HCN2: variants seen among roughly 807,000 people sequenced by gnomAD.
HCN2 encodes the protein potassium/sodium hyperpolarization-activated cyclic nucleotide-gated channel 2.
HCN2 carries 20 observed loss-of-function variants against 52.3 expected under a neutral mutation model. That is an observed-to-expected ratio of 0.38 (90% CI 0.27 to 0.56). HCN2 has a LOEUF of 0.56. Among genes scored for constraint, HCN2 ranks in the 20% least tolerant of loss-of-function variants. The pLI is 0.71. For missense variants in HCN2, 981 were observed against 1,207.7 expected (o/e 0.81, Z 2.78); for synonymous variants, 694 against 537.0 (o/e 1.29, Z -4.04).
intron 4 of HCN2, among the ~76,000 whole-genome samples, chr19:608,873 G>A (rs1456954461): frequency 1.3e-5 from 2 of 152,166 alleles, no homozygotes; most frequent in Non-Finnish European, 2.9e-5. Flanking sequence ...GCGGCCTCTG[G>A]CCTGCAGCGT....
intron 1 of HCN2, among the ~76,000 whole-genome samples, chr19:595,824 C>T (rs1468459167): frequency 6.6e-6 from 1 of 152,266 alleles, no homozygotes; most frequent in Non-Finnish European, 1.5e-5. Context: ...TCTCCTAATC[C>T]CCCGGCCCGA....
chr19:611,076 G>A (rs1372642055), intron 5 of HCN2, among the ~76,000 whole-genome samples: 1 of 152,196 alleles, frequency 6.6e-6, no homozygotes, highest in Non-Finnish European at 1.5e-5. Flanking sequence ...ATCCGTCGTT[G>A]GATCAGGGCC....
Position 616,061 on chromosome 19 carries a change from G to A in HCN2, c.2257G>A (p.Gly753Ser). 1 of 1,165,064 alleles carries A rather than the reference G, an allele frequency of 8.6e-7. No homozygotes were observed. Among genetic ancestry groups the A allele is most frequent in the East Asian group, 4.0e-5 (1 of 25,284 alleles). 72.2% of individuals were successfully genotyped at this position (1,165,064 alleles called of 1,614,324 possible). A position where few individuals can be genotyped will look rare whatever the true frequency, so the allele number is the denominator to read the frequency against. The change falls in exon 8 of 8, where the codon GGC (glycine) becomes AGC (serine). Residue 753 changes from glycine (G) to serine (S), a missense_variant. Around this residue, in one of 6 missense-constraint regions of HCN2, gnomAD observed 368 missense variants for 314.8 expected, o/e 1.17. Coordinates refer to ENST00000251287, the MANE Select transcript of HCN2 (RefSeq NM_001194.4). ...ARPLVGPLAL[G>S]SPRLVRRPPP... Reference sequence around the variant, plus strand: ...GCCGCTCGTGGGGCCGCTGGCGCTCGGCTCGCCGCGCCTCGTGCGCCGCCC... The same window carrying A: ...GCCGCTCGTGGGGCCGCTGGCGCTCAGCTCGCCGCGCCTCGTGCGCCGCCC...
chr19:616,359 C>A lies in HCN2; in HGVS notation c.2555C>A (p.Pro852His). Residue 852 changes from proline to histidine, a missense_variant, in exon 8 of 8, where the codon CCC becomes CAC. Pro to His is a moderately conservative substitution (Grantham distance 77). Transcript: ENST00000251287. ...SSSTPRLGPT[P>H]AARAAAPSPD... Reference sequence around the variant, plus strand: ...TCCACACCGCGCTTGGGGCCCACGCCCGCTGCCCGGGCCGCCGCGCCCAGC... The same window carrying A: ...TCCACACCGCGCTTGGGGCCCACGCACGCTGCCCGGGCCGCCGCGCCCAGC... The A allele has an allele frequency of 8.2e-7, 1 of 1,217,972 alleles. No individual in the cohort carries two copies. The highest frequency in any genetic ancestry group is 1.6e-5 in the African/African-American group (1 of 61,682). 75.4% of individuals were successfully genotyped at this position (1,217,972 alleles called of 1,614,324 possible).
At position 590,696 on chromosome 19, in the gene HCN2, C is replaced by A; in HGVS notation, c.632+119C>A. 1 of 760,722 alleles carries A rather than the reference C, an allele frequency of 1.3e-6. No individual in the cohort carries two copies. The highest frequency in any genetic ancestry group is 1.8e-6 in the Non-Finnish European group (1 of 566,752). 47.1% of individuals were successfully genotyped at this position (760,722 alleles called of 1,614,324 possible). ...GCGCGCCGGGCCGGTGACCTCGGGG[C>A]TCCTCGGTGACCTCGGGCGTGTCCG... is the stretch of plus-strand genomic sequence containing the variant. On this transcript the variant is annotated intron_variant, in intron 1 of 7. Transcript: ENST00000251287. The surrounding 1 kb of genome is among the most constrained non-coding windows in gnomAD (Gnocchi z 7.2).
In HCN2 at chr19:613,869, C is replaced by A. The variant is rs747683299; in HGVS notation, c.1843C>A (p.Arg615=). The A allele has an allele frequency of 5.0e-6, 8 of 1,588,342 alleles. No individual in the cohort carries two copies. Among genetic ancestry groups the A allele is most frequent in the Non-Finnish European group, 6.8e-6 (8 of 1,168,274 alleles). ...ACGTGCAGAGATCTGCCTGCTCACC[C>A]GGGGCCGCCGCACGGCGAGCGTGCG... ...SYFGEICLLT[R]GRRTASVRAD... Residue 615 remains arginine (R), a synonymous_variant, in exon 7 of 8, where the codon CGG becomes AGG. Transcript: ENST00000251287.
Position 617,057 on chromosome 19 carries a change from A to C in HCN2, c.*583A>C. 3 of 560,584 alleles carry C rather than the reference A, an allele frequency of 5.4e-6. No homozygotes were observed. The highest frequency in any genetic ancestry group is 3.0e-5 in the East Asian group (1 of 33,336). 34.7% of individuals were successfully genotyped at this position (560,584 alleles called of 1,614,324 possible). On this transcript the variant is annotated 3_prime_UTR_variant, in exon 8 of 8. Coordinates refer to ENST00000251287, the MANE Select transcript of HCN2 (RefSeq NM_001194.4). The stretch of plus-strand genomic sequence containing the variant: ...GGCTGGGGTCCCGCCGCCGTGATGA[A>C]TGTACTGACGAGCCGAGGCAGCAGT...
rs139519202 is a variant in HCN2 at position 600,153 on chromosome 19, G to C, written c.633-3391G>C. Among the ~76,000 whole-genome samples, 1,248 of 152,192 alleles carry C rather than the reference G, an allele frequency of 8.2e-3. 19 individuals carry two copies. Among genetic ancestry groups the C allele is most frequent in the African/African-American group, 0.029 (1,190 of 41,514 alleles). ...CCTTCAGCAAGAGCCCTTGGCCCCA[G>C]AGCCCAGAGGTTTTTGTTTTGTTGT... On this transcript the variant is annotated intron_variant, in intron 1 of 7. Transcript: ENST00000251287.
intron 3 of HCN2, among the ~76,000 whole-genome samples, chr19:606,798 C>G (rs1429063098): frequency 6.6e-6 from 1 of 150,880 alleles, no homozygotes; most frequent in African/African-American, 2.4e-5. Context: ...TTGCAGCGAG[C>G]TGAGATCACA....
intron 3 of HCN2, among the ~76,000 whole-genome samples, chr19:606,331 C>T (rs1044991464): frequency 1.3e-5 from 2 of 151,760 alleles, no homozygotes; most frequent in African/African-American, 4.8e-5. Context: ...GAACTCCTGA[C>T]CTCAGGTGAT....
chr19:596,411 C>T (rs1296252167), intron 1 of HCN2, among the ~76,000 whole-genome samples: 1 of 152,098 alleles, frequency 6.6e-6, no homozygotes, highest in African/African-American at 2.4e-5. Context: ...AGAGCTGAGG[C>T]CGGAAGGTTT....
chr19:590,635 G>A lies in HCN2; in HGVS notation c.632+58G>A. The A allele has an allele frequency of 2.4e-6, 3 of 1,248,080 alleles. No individual in the cohort carries two copies. Among genetic ancestry groups the A allele is most frequent in the Non-Finnish European group, 2.0e-6 (2 of 981,628 alleles). 77.3% of individuals were successfully genotyped at this position (1,248,080 alleles called of 1,614,324 possible). ...GGGGCCCGGGGAGCCGGGCGCGCGG[G>A]GAGCCGTCCTTGGAGCGCCTGGGGA... On this transcript the variant is annotated intron_variant, in intron 1 of 7. Coordinates refer to ENST00000251287, the MANE Select transcript of HCN2 (RefSeq NM_001194.4). The surrounding 1 kb of genome is among the most constrained non-coding windows in gnomAD (Gnocchi z 7.2).
intron 1 of HCN2, among the ~76,000 whole-genome samples, chr19:594,650 T>C (rs984689087): frequency 4.7e-4 from 72 of 152,182 alleles, no homozygotes; most frequent in Middle Eastern, 6.8e-3. Flanking sequence ...TCCGCAGTGA[T>C]GAATCCCAGC....
At chr19:614,378 A>G (rs1983808441) in intron 7 of HCN2, among the ~76,000 whole-genome samples, 1 of 152,082 alleles carries the variant, frequency 6.6e-6, no homozygotes, top group Non-Finnish European at 1.5e-5. Flanking sequence ...GGTGCAGGGG[A>G]CAGACCCGGG....
chr19:610,661 C>G (rs1057138510), intron 5 of HCN2, among the ~76,000 whole-genome samples: 5 of 152,166 alleles, frequency 3.3e-5, no homozygotes, highest in Non-Finnish European at 7.4e-5. Flanking sequence ...CAGGGCGGGG[C>G]AGAAGCAGGG....
At chr19:603,306 C>CAGGTTCTACTGGGACTTCA (rs1983278297) in intron 1 of HCN2, among the ~76,000 whole-genome samples, 1 of 104,846 alleles carries the variant, frequency 9.5e-6, no homozygotes, top group African/African-American at 4.5e-5. Context: ...CCCTCGCCCC[C>CAGGTTCTACTGGGACTTCA]CAGGGAGGAA....
intron 1 of HCN2, 96 bp from the exon 2 acceptor site, chr19:603,448 G>C (rs1983286174): frequency 1.1e-6 from 1 of 943,180 alleles, no homozygotes; most frequent in Non-Finnish European, 1.6e-6. Flanking sequence ...CTCGAGGTGT[G>C]GGCGCCCCTC....
Position 590,709 on chromosome 19 carries a change from T to A in HCN2, c.632+132T>A. The A allele has an allele frequency of 1.6e-6, 1 of 640,934 alleles. No homozygotes were observed. The highest frequency in any genetic ancestry group is 2.2e-6 in the Non-Finnish European group (1 of 461,572). 39.7% of individuals were successfully genotyped at this position (640,934 alleles called of 1,614,324 possible). ...GTGACCTCGGGGCTCCTCGGTGACC[T>A]CGGGCGTGTCCGGGACCCGCCCCGG... On this transcript the variant is annotated intron_variant, in intron 1 of 7. Coordinates refer to ENST00000251287, the MANE Select transcript of HCN2 (RefSeq NM_001194.4). The surrounding 1 kb of genome is among the most constrained non-coding windows in gnomAD (Gnocchi z 7.2).
chr19:592,011 G>C lies in HCN2; in HGVS notation c.632+1434G>C, dbSNP rs1447467130. Among the ~76,000 whole-genome samples, 2 of 152,196 alleles carry C rather than the reference G, an allele frequency of 1.3e-5. No homozygotes were observed. The highest frequency in any genetic ancestry group is 2.9e-5 in the Non-Finnish European group (2 of 68,014). On this transcript the variant is annotated intron_variant, in intron 1 of 7. Coordinates refer to ENST00000251287, the MANE Select transcript of HCN2 (RefSeq NM_001194.4). This position sits in a 1 kb window ranked among gnomAD's most constrained non-coding sequence, Gnocchi z 4.8. ...TGGGAGGAGCCCCGAAATCCCCAGAGGGGCTGTGTCCGGCCCCTCCCACCC... is the reference window on the plus strand; with the variant it reads ...TGGGAGGAGCCCCGAAATCCCCAGACGGGCTGTGTCCGGCCCCTCCCACCC...
Sources: gnomAD v4.1 joint callset for allele counts (sites outside exome capture counted in the v4.1 genomes callset) on GRCh38, gnomAD v4.1.1 for gene constraint, gnomAD v4.1.1 regional missense constraint, Gnocchi (gnomAD v3.1) non-coding constraint, MANE v1.5 for transcripts, NCBI Gene and HGNC (gene_info 2026-07-23, HGNC 2026-07-21) for gene names.